HDAC2: variants seen among roughly 807,000 people sequenced by gnomAD.
The protein encoded by HDAC2 is histone deacetylase 2.
Under a neutral mutation model 68.5 loss-of-function variants are expected in HDAC2, and 5 were observed. The ratio of observed to expected loss-of-function variants is 0.07; its 90% confidence interval spans 0.04 to 0.15. The LOEUF is 0.15. HDAC2 is among the 10% of genes least tolerant of loss of function. HDAC2 has a pLI of 1.00. For synonymous variants in HDAC2, 182 were observed against 191.3 expected (o/e 0.95, Z 0.40); for missense variants, 291 against 600.8 (o/e 0.48, Z 5.39).
Position 113,937,155 on chromosome 6 carries a change from G to A in HDAC2, c.*3903C>T, listed in dbSNP as rs950075984. 2.0e-5 allele frequency: 3 copies of A among 152,032 alleles called. No homozygotes were observed. Among genetic ancestry groups the A allele is most frequent in the Non-Finnish European group, 4.4e-5 (3 of 68,006 alleles). The allele number at this position is 152,032 out of a possible 1,614,324, so 9.4% of individuals were successfully genotyped here. Reference sequence around the variant, plus strand: ...TAGTAATTTTCCTAAGATTATGGTGGAGATCCTAAGCTATTGAAATGATTA... The same window carrying A: ...TAGTAATTTTCCTAAGATTATGGTGAAGATCCTAAGCTATTGAAATGATTA... On this transcript the variant is annotated 3_prime_UTR_variant, in exon 14 of 14. Coordinates refer to ENST00000519065, the MANE Select transcript of HDAC2 (RefSeq NM_001527.4).
intron 5 of HDAC2, among the ~76,000 whole-genome samples, chr6:113,953,723 T>A (rs949147782): frequency 6.6e-6 from 1 of 152,234 alleles, no homozygotes; most frequent in Non-Finnish European, 1.5e-5. Flanking sequence ...TATACCATAC[T>A]CAAGATTGTT....
chr6:113,967,050 A>C (rs1776839757), intron 1 of HDAC2, among the ~76,000 whole-genome samples: 1 of 152,254 alleles, frequency 6.6e-6, no homozygotes, highest in Admixed American at 6.5e-5. Context: ...TACTACTCAT[A>C]AATACAAGTC....
chr6:113,967,092 T>C (rs573809817), intron 1 of HDAC2, among the ~76,000 whole-genome samples: 11 of 152,304 alleles, frequency 7.2e-5, no homozygotes, highest in African/African-American at 9.6e-5. Context: ...GGCTGCCAAG[T>C]AGAATTTCTA....
At chr6:113,970,050 A>AT (rs1263589150) in intron 1 of HDAC2, 1 of 152,176 alleles carries the variant, frequency 6.6e-6, no homozygotes, top group East Asian at 1.9e-4. Context: ...ACCACCTCTT[A>AT]TTTCCTACGA....
chr6:113,943,581 A>C, intron 11 of HDAC2, 75 bp from the exon 12 acceptor site: 2 of 1,141,870 alleles, frequency 1.8e-6, no homozygotes, highest in Non-Finnish European at 2.4e-6. Flanking sequence ...ACTCATACAA[A>C]TGCACTAAGC....
intron 12 of HDAC2, among the ~76,000 whole-genome samples, chr6:113,942,845 A>G (rs1409169721): frequency 1.3e-5 from 2 of 152,140 alleles, no homozygotes; most frequent in African/African-American, 4.8e-5. Flanking sequence ...TCCCTAACCC[A>G]GGTCCCAAAT....
intron 11 of HDAC2, 134 bp from the exon 12 acceptor site, chr6:113,943,640 A>G: frequency 1.9e-6 from 1 of 535,198 alleles, no homozygotes; most frequent in Non-Finnish European, 3.0e-6. Flanking sequence ...TAATGATTTT[A>G]AAATTTGAAT....
At position 113,945,423 on chromosome 6, in the gene HDAC2, G is replaced by A; in HGVS notation, c.1030C>T (p.Leu344=). The change falls in exon 10 of 14, where the codon CTG becomes TTG. Residue 344 remains leucine (L), a synonymous_variant. Transcript: ENST00000519065. Reference sequence around the variant, plus strand: ...GTCATGTTTGAAGGACTAATATGCAGTTTGAAGTCTGGTCCAAAATACTCA... The same window carrying A: ...GTCATGTTTGAAGGACTAATATGCAATTTGAAGTCTGGTCCAAAATACTCA... ...YFEYFGPDFK[L]HISPSNMTNQ... 1 of 1,570,014 alleles carries A rather than the reference G, an allele frequency of 6.4e-7. No homozygotes were observed. The highest frequency in any genetic ancestry group is 8.8e-7 in the Non-Finnish European group (1 of 1,140,324).
intron 1 of HDAC2, among the ~76,000 whole-genome samples, chr6:113,962,072 G>A (rs1208987372): frequency 6.6e-6 from 1 of 151,058 alleles, no homozygotes; most frequent in African/African-American, 2.4e-5. Context: ...AGCAATTTCT[G>A]AGCAAGTGTG....
At chr6:113,963,061 T>C (rs1776726516) in intron 1 of HDAC2, among the ~76,000 whole-genome samples, 1 of 151,942 alleles carries the variant, frequency 6.6e-6, no homozygotes, top group African/African-American at 2.4e-5. Flanking sequence ...CACAATTCTC[T>C]AGATGGCTAC....
At position 113,943,009 on chromosome 6, in the gene HDAC2, T is replaced by C. The variant is rs946959818; in HGVS notation, c.1378+342A>G. Among the ~76,000 whole-genome samples the C allele has an allele frequency of 2.0e-5, 3 of 152,152 alleles. No homozygotes were observed. The South Asian group carries it at 6.2e-4, about 32-fold the overall frequency. On this transcript the variant is annotated intron_variant, in intron 12 of 13. Transcript: ENST00000519065. The stretch of plus-strand genomic sequence containing the variant: ...TAAATAAGCTTTAGGTAGCTAAAAA[T>C]TACCTTAGAAGTTCAGTTCTGACCA...
At chr6:113,943,589 A>G in intron 11 of HDAC2, 83 bp from the exon 12 acceptor site, 1 of 1,000,078 alleles carries the variant, frequency 1.0e-6, no homozygotes, top group Middle Eastern at 2.2e-4. Context: ...AAATGCACTA[A>G]GCAGTTAGTT....
Position 113,959,822 on chromosome 6 carries a change from A to AG in HDAC2, c.165+83dup, listed in dbSNP as rs1474314163. ...TTTTCATCTGCTAAATGCCCTCAAA[A>AG]GGGGAATAATAGACAAAGTTTCACA... On this transcript the variant is annotated intron_variant, in intron 2 of 13. Transcript: ENST00000519065. The AG allele has an allele frequency of 4.4e-6, 3 of 676,994 alleles. No homozygotes were observed. In the African/African-American group the frequency reaches 5.5e-5, roughly 12 times the overall value. 41.9% of individuals were successfully genotyped at this position (676,994 alleles called of 1,614,324 possible).
At chr6:113,958,546 A>G in intron 3 of HDAC2, 103 bp downstream of exon 3, 2 of 655,904 alleles carry the variant, frequency 3.0e-6, no homozygotes, top group South Asian at 4.0e-5. Context: ...ACTGTAACAT[A>G]TTAGACCAAC....
At position 113,956,045 on chromosome 6, in the gene HDAC2, A is replaced by G. The variant is rs530874272; in HGVS notation, c.465T>C (p.Asn155=). 14 of 1,611,226 alleles carry G rather than the reference A, an allele frequency of 8.7e-6. No individual in the cohort carries two copies. In the South Asian group the frequency reaches 1.5e-4, roughly 18 times the overall value. Reference sequence around the variant, plus strand: ...ATTCAAGGATGGCAAGCACAATATCATTAACGTAACAGAATCCTGATGCTT... The same window carrying G: ...ATTCAAGGATGGCAAGCACAATATCGTTAACGTAACAGAATCCTGATGCTT... ...KSEASGFCYV[N]DIVLAILELL... is the part of the protein sequence containing the mutation. Residue 155 remains asparagine, a synonymous_variant, in exon 5 of 14, where the codon AAT becomes AAC. Transcript: ENST00000519065.
Position 113,945,463 on chromosome 6 carries a change from T to C in HDAC2, c.990A>G (p.Pro330=), listed in dbSNP as rs1457203988. 3.5e-6 allele frequency: 5 copies of C among 1,424,414 alleles called. No individual in the cohort carries two copies. Among genetic ancestry groups the C allele is most frequent in the African/African-American group, 1.4e-5 (1 of 71,186 alleles). 88.2% of individuals were successfully genotyped at this position (1,424,414 alleles called of 1,614,324 possible). A position where few individuals can be genotyped will look rare whatever the true frequency, so the allele number is the denominator to read the frequency against. ...CAAAATACTCAAAGTAATCATTATA[T>C]GGCAACTCTAATGAAAACAATAAAA... The part of the protein sequence containing the change: ...ALDCEIPNEL[P]YNDYFEYFGP... Residue 330 remains proline (P), a synonymous_variant, in exon 10 of 14, where the codon CCA becomes CCG. Transcript: ENST00000519065.
chr6:113,937,298 A>C lies in HDAC2; in HGVS notation c.*3760T>G, dbSNP rs1469587729. The C allele has an allele frequency of 6.6e-6, 1 of 152,182 alleles. No individual in the cohort carries two copies. Among genetic ancestry groups the C allele is most frequent in the African/African-American group, 2.4e-5 (1 of 41,440 alleles). 9.4% of individuals were successfully genotyped at this position (152,182 alleles called of 1,614,324 possible). ...CTACATCAAAACCATAAAAAACAGA[A>C]GATGTAGGTGACTAACTTCAATGTA... is the stretch of plus-strand genomic sequence containing the variant. On this transcript the variant is annotated 3_prime_UTR_variant, in exon 14 of 14. Coordinates refer to ENST00000519065, the MANE Select transcript of HDAC2 (RefSeq NM_001527.4).
At chr6:113,952,329 C>A (rs1257416445) in intron 6 of HDAC2, among the ~76,000 whole-genome samples, 2 of 152,138 alleles carry the variant, frequency 1.3e-5, no homozygotes, top group African/African-American at 4.8e-5. Flanking sequence ...AAACATTTGA[C>A]CTCCCACCCA....
rs1226931083 is a variant in HDAC2, at chr6:113,933,722, T to G, written c.*7336A>C. On this transcript the variant is annotated 3_prime_UTR_variant, in exon 14 of 14. Transcript: ENST00000519065. ...CTTAATCCAGTGAAAGTAAGCAGAATGGTGGCTGCTCCTTGTCTGACATTC... is the reference window on the plus strand; with the variant it reads ...CTTAATCCAGTGAAAGTAAGCAGAAGGGTGGCTGCTCCTTGTCTGACATTC... 6.6e-6 allele frequency: 1 copy of G among 152,006 alleles called. No homozygotes were observed. The highest frequency in any genetic ancestry group is 2.4e-5 in the African/African-American group (1 of 41,402). 9.4% of individuals were successfully genotyped at this position (152,006 alleles called of 1,614,324 possible).
Sources: allele counts gnomAD v4.1 joint callset (sites outside exome capture counted in the v4.1 genomes callset), GRCh38; gene constraint gnomAD v4.1.1; transcripts MANE v1.5; gene names NCBI Gene and HGNC (gene_info 2026-07-23, HGNC 2026-07-21).